The following SLC4A10 variants were observed in gnomAD, a reference collection of about 807,000 sequenced individuals.
SLC4A10 encodes the protein solute carrier family 4 member 10.
A neutral mutation model predicts 137.7 loss-of-function variants in SLC4A10; 42 were observed. That is an observed-to-expected ratio of 0.30 (90% CI 0.24 to 0.39). The LOEUF is 0.39. Ranked by LOEUF, SLC4A10 falls within the 10% of genes least tolerant of loss-of-function variation. SLC4A10 has a pLI of 1.00. For synonymous variants in SLC4A10, 474 were observed against 464.1 expected, an observed-to-expected ratio of 1.02 and a Z score of -0.27; for missense variants, 925 against 1,355.0, an observed-to-expected ratio of 0.68 and a Z score of 4.98.
At chr2:161,860,250 C>A (rs2060359335) in intron 5 of SLC4A10, among the ~76,000 whole-genome samples, 1 of 151,650 alleles carries the variant, frequency 6.6e-6, no homozygotes, top group African/African-American at 2.4e-5. Context: ...TTAATATTTA[C>A]TTTTCTTTAC....
At chr2:161,762,144 T>A (rs1430740106) in intron 1 of SLC4A10, among the ~76,000 whole-genome samples, 5 of 151,960 alleles carry the variant, frequency 3.3e-5, no homozygotes, top group African/African-American at 4.8e-5. Flanking sequence ...AAAGAGAGAG[T>A]GATTTATTGG....
intron 1 of SLC4A10, among the ~76,000 whole-genome samples, chr2:161,676,205 TCAGA>T (rs2040257820): frequency 6.6e-6 from 1 of 152,184 alleles, no homozygotes; most frequent in African/African-American, 2.4e-5. Context: ...ACTTTCTGCA[TCAGA>T]CAGATCTGCA....
chr2:161,958,654 A>G, intron 21 of SLC4A10, 99 bp downstream of exon 21: 1 of 774,934 alleles, frequency 1.3e-6, no homozygotes, highest in Non-Finnish European at 2.0e-6. Context: ...CACCTGAGGA[A>G]CAGCTTTTAG....
At chr2:161,863,828 C>G (rs981955289) in intron 6 of SLC4A10, among the ~76,000 whole-genome samples, 14 of 152,158 alleles carry the variant, frequency 9.2e-5, no homozygotes, top group African/African-American at 3.4e-4. Flanking sequence ...ATCATCCATC[C>G]TTTCTATTAG....
At chr2:161,823,148 T>C (rs913284015) in intron 3 of SLC4A10, among the ~76,000 whole-genome samples, 4 of 152,200 alleles carry the variant, frequency 2.6e-5, no homozygotes, top group African/African-American at 9.7e-5. Context: ...CCATAAAATC[T>C]ACACAAATCT....
intron 3 of SLC4A10, among the ~76,000 whole-genome samples, chr2:161,824,299 A>G (rs975857353): frequency 2.6e-5 from 4 of 152,206 alleles, no homozygotes; most frequent in African/African-American, 7.2e-5. Context: ...AATAGAGAAG[A>G]CATCATGAAA....
chr2:161,819,541 C>G (rs2057430795), intron 3 of SLC4A10, among the ~76,000 whole-genome samples: 1 of 151,178 alleles, frequency 6.6e-6, no homozygotes, highest in South Asian at 2.1e-4. Flanking sequence ...GTTGGCCAGG[C>G]TGCAGTGCTG....
At chr2:161,920,540 C>T (rs1687949069) in intron 15 of SLC4A10, among the ~76,000 whole-genome samples, 1 of 152,156 alleles carries the variant, frequency 6.6e-6, no homozygotes. Context: ...AAACCTTGTA[C>T]TTTTTATTCT....
At chr2:161,805,420 C>T (rs1251032392) in intron 3 of SLC4A10, among the ~76,000 whole-genome samples, 1 of 152,152 alleles carries the variant, frequency 6.6e-6, no homozygotes, top group Non-Finnish European at 1.5e-5. Flanking sequence ...CTTATTTCAG[C>T]TTTAATTCAA....
chr2:161,850,193 C>G (rs1268580693), intron 4 of SLC4A10, among the ~76,000 whole-genome samples: 1 of 151,916 alleles, frequency 6.6e-6, no homozygotes, highest in Non-Finnish European at 1.5e-5. Context: ...CATTTGAGAC[C>G]AGCTTGGCCA....
intron 4 of SLC4A10, among the ~76,000 whole-genome samples, chr2:161,843,618 T>C (rs2059322681): frequency 1.3e-5 from 2 of 152,292 alleles, no homozygotes; most frequent in African/African-American, 4.8e-5. Flanking sequence ...GGTTTTAAAG[T>C]GGCAGAAGTA....
At chr2:161,891,821 T>C (rs1481349344) in intron 10 of SLC4A10, among the ~76,000 whole-genome samples, 1 of 152,038 alleles carries the variant, frequency 6.6e-6, no homozygotes, top group Non-Finnish European at 1.5e-5. Context: ...TCATTCTCCA[T>C]CCAGTTTTGT....
chr2:161,927,054 G>A (rs531372924), intron 15 of SLC4A10, among the ~76,000 whole-genome samples: 4 of 152,096 alleles, frequency 2.6e-5, no homozygotes, highest in Admixed American at 6.6e-5. Flanking sequence ...TGGTATTCTC[G>A]AGGAGTATCT....
chr2:161,687,375 G>C (rs760651451), intron 1 of SLC4A10, among the ~76,000 whole-genome samples: 45 of 152,016 alleles, frequency 3.0e-4, no homozygotes, highest in Non-Finnish European at 6.2e-4. Context: ...TGTTTTCTAT[G>C]CTTTCTGTAA....
intron 15 of SLC4A10, among the ~76,000 whole-genome samples, chr2:161,915,729 T>C (rs1686972800): frequency 6.6e-6 from 1 of 152,154 alleles, no homozygotes; most frequent in Non-Finnish European, 1.5e-5. Flanking sequence ...CATTCACTCA[T>C]GCACTCCCTC....
At chr2:161,817,216 T>A (rs1213580408) in intron 3 of SLC4A10, among the ~76,000 whole-genome samples, 2 of 152,236 alleles carry the variant, frequency 1.3e-5, no homozygotes, top group African/African-American at 4.8e-5. Flanking sequence ...TGATTTGCAT[T>A]TCTCTGATGG....
At chr2:161,812,489 A>G (rs1201024753) in intron 3 of SLC4A10, among the ~76,000 whole-genome samples, 1 of 151,944 alleles carries the variant, frequency 6.6e-6, no homozygotes, top group Non-Finnish European at 1.5e-5. Flanking sequence ...CACAGAGTAT[A>G]GTCAATTTTA....
intron 1 of SLC4A10, among the ~76,000 whole-genome samples, chr2:161,642,440 G>A (rs550559327): frequency 6.6e-6 from 1 of 151,910 alleles, no homozygotes; most frequent in South Asian, 2.1e-4. Flanking sequence ...TGATGATTAT[G>A]TTTCAATAAT....
intron 3 of SLC4A10, among the ~76,000 whole-genome samples, chr2:161,806,640 T>G (rs753412955): frequency 2.4e-4 from 36 of 152,176 alleles, no homozygotes; most frequent in Non-Finnish European, 4.4e-4. Context: ...GAGTCACCTT[T>G]GCTCCAGTTC....
Sources: allele counts gnomAD v4.1 joint callset (sites outside exome capture counted in the v4.1 genomes callset), GRCh38; gene constraint gnomAD v4.1.1; transcripts MANE v1.5; gene names NCBI Gene and HGNC (gene_info 2026-07-23, HGNC 2026-07-21).